RARB: variants seen among roughly 807,000 people sequenced by gnomAD.
RARB encodes retinoic acid receptor beta, also known as HBV-activated protein.
In RARB, 17 loss-of-function variants were observed where a neutral mutation model predicts 51.9. The ratio of observed to expected loss-of-function variants is 0.33; its 90% CI spans 0.22 to 0.49. RARB has a LOEUF of 0.49. Among genes scored for constraint, RARB ranks in the 20% least tolerant of loss-of-function variants. The pLI is 0.99. For missense variants in RARB, 369 were observed against 550.8 expected (o/e 0.67, Z 3.30); for synonymous variants, 215 against 195.4 (o/e 1.10, Z -0.84).
At chr3:25,012,969 T>G (rs1181837275) in intron 2 of RARB, among the ~76,000 whole-genome samples, 2 of 152,012 alleles carry the variant, frequency 1.3e-5, no homozygotes, top group African/African-American at 4.8e-5. Context: ...TAAGAATCTT[T>G]TTGGTATCTT....
intron 4 of RARB, among the ~76,000 whole-genome samples, chr3:25,159,220 A>G (rs942519954): frequency 1.6e-4 from 21 of 129,962 alleles, no homozygotes; most frequent in Admixed American, 1.7e-4. Context: ...CTAGAGTGCA[A>G]TGGCGCGATC....
At chr3:24,905,307 C>G (rs958267923) in intron 2 of RARB, among the ~76,000 whole-genome samples, 1 of 152,138 alleles carries the variant, frequency 6.6e-6, no homozygotes. Context: ...GTTATCTAAA[C>G]AAATCCAATT....
At chr3:25,484,880 T>C (rs1338247377) in intron 2 of RARB, among the ~76,000 whole-genome samples, 1 of 152,188 alleles carries the variant, frequency 6.6e-6, no homozygotes, top group Non-Finnish European at 1.5e-5. Flanking sequence ...AACACACGAA[T>C]GCTGGAGTAC....
chr3:25,200,025 T>A (rs1024608853), intron 5 of RARB, among the ~76,000 whole-genome samples: 2 of 152,162 alleles, frequency 1.3e-5, no homozygotes, highest in African/African-American at 4.8e-5. Context: ...CACCACACTG[T>A]CTTCCACAAT....
intron 5 of RARB, among the ~76,000 whole-genome samples, chr3:25,343,238 A>G (rs907045936): frequency 3.3e-5 from 5 of 152,070 alleles, no homozygotes; most frequent in Non-Finnish European, 7.4e-5. Context: ...CTTCTACTCT[A>G]GGCTATGAGA....
chr3:25,372,547 T>C (rs1194721875), intron 5 of RARB, among the ~76,000 whole-genome samples: 3 of 152,134 alleles, frequency 2.0e-5, no homozygotes, highest in Admixed American at 2.0e-4. Flanking sequence ...ATGAGCTGGG[T>C]GCGGTGGCTC....
intron 5 of RARB, among the ~76,000 whole-genome samples, chr3:25,300,663 G>A (rs1157738620): frequency 5.3e-5 from 8 of 152,088 alleles, no homozygotes; most frequent in South Asian, 2.1e-4. Context: ...TATCCCCACC[G>A]TTTGAGTCAC....
intron 5 of RARB, among the ~76,000 whole-genome samples, chr3:25,333,945 C>T (rs145741795): frequency 0.053 from 8,043 of 152,240 alleles, 223 homozygotes; most frequent in Middle Eastern, 0.065. Flanking sequence ...CATCACTGGC[C>T]ATCAGAGAAA....
chr3:25,415,955 G>T (rs956624670), intron 5 of RARB, among the ~76,000 whole-genome samples: 13 of 152,300 alleles, frequency 8.5e-5, no homozygotes, highest in Admixed American at 7.8e-4. Context: ...GCCAGGTAGG[G>T]TTATAAATAA....
At chr3:24,865,793 A>G (rs1233526939) in intron 2 of RARB, among the ~76,000 whole-genome samples, 1 of 152,232 alleles carries the variant, frequency 6.6e-6, no homozygotes, top group East Asian at 1.9e-4. Context: ...TGTCTATTGC[A>G]GCATGAATGG....
chr3:25,540,960 A>G (rs952923991), intron 3 of RARB, among the ~76,000 whole-genome samples: 10 of 41,488 alleles, frequency 2.4e-4, no homozygotes, highest in African/African-American at 1.4e-3. Context: ...TCTGCAGAGG[A>G]AAAAAAAAAT....
At chr3:25,104,238 G>A (rs1442410621) in intron 3 of RARB, among the ~76,000 whole-genome samples, 1 of 152,146 alleles carries the variant, frequency 6.6e-6, no homozygotes, top group Non-Finnish European at 1.5e-5. Flanking sequence ...GTTTTCACAA[G>A]GCTGTGGTGC....
At chr3:25,407,202 C>G (rs1707433761) in intron 5 of RARB, among the ~76,000 whole-genome samples, 1 of 152,212 alleles carries the variant, frequency 6.6e-6, no homozygotes, top group South Asian at 2.1e-4. Flanking sequence ...TGTTCCTCAA[C>G]AGAACCTAAC....
At chr3:24,995,046 A>AG (rs1696992717) in intron 2 of RARB, among the ~76,000 whole-genome samples, 1 of 152,004 alleles carries the variant, frequency 6.6e-6, no homozygotes, top group Admixed American at 6.6e-5. Context: ...ATGTTTTAAG[A>AG]GGGGTTGCAT....
intron 3 of RARB, among the ~76,000 whole-genome samples, chr3:25,121,067 T>C (rs1699776602): frequency 6.6e-6 from 1 of 152,162 alleles, no homozygotes; most frequent in Admixed American, 6.6e-5. Context: ...TATGGATGCT[T>C]GAATTCACAT....
intron 1 of RARB, among the ~76,000 whole-genome samples, chr3:24,854,464 TC>T (rs1702607446): frequency 6.6e-6 from 1 of 152,194 alleles, no homozygotes; most frequent in South Asian, 2.1e-4. Flanking sequence ...TGTGGAGCTT[TC>T]CTTCTGCAAT....
intron 2 of RARB, among the ~76,000 whole-genome samples, chr3:25,008,720 G>A (rs886154013): frequency 1.3e-5 from 2 of 152,044 alleles, no homozygotes; most frequent in Admixed American, 1.3e-4. Flanking sequence ...TTCCCAGTCA[G>A]TCCATTCCCA....
intron 5 of RARB, among the ~76,000 whole-genome samples, chr3:25,365,224 T>C (rs908756086): frequency 1.0e-5 from 1 of 95,832 alleles, no homozygotes; most frequent in East Asian, 3.6e-4. Flanking sequence ...TTTTTTTTTT[T>C]TTGGCTGGAG....
At chr3:25,330,184 G>T (rs11707346) in intron 5 of RARB, among the ~76,000 whole-genome samples, 1 of 151,778 alleles carries the variant, frequency 6.6e-6, no homozygotes, top group African/African-American at 2.4e-5. Context: ...GATACTCCCC[G>T]AGAAGAGCAA....
Sources: allele counts gnomAD v4.1 joint callset (sites outside exome capture counted in the v4.1 genomes callset), GRCh38; gene constraint gnomAD v4.1.1; transcripts MANE v1.5; gene names NCBI Gene and HGNC (gene_info 2026-07-23, HGNC 2026-07-21).